Variants in PKD1 observed in about 807,000 individuals in gnomAD.
The protein encoded by PKD1 is polycystin-1.
A neutral mutation model predicts 361.7 loss-of-function variants in PKD1; 81 were observed. That is an observed-to-expected ratio of 0.22 (90% CI 0.19 to 0.27). PKD1 has a LOEUF of 0.27. PKD1 is among the 10% of genes least tolerant of loss of function. The pLI is 1.00. For missense variants in PKD1, 6,399 were observed against 6,118.3 expected (o/e 1.05, Z -1.53); for synonymous variants, 3,615 against 2,818.3 (o/e 1.28, Z -8.95).
Position 2,091,763 on chromosome 16 carries a change from A to C in PKD1, c.11537+18T>G. 6.2e-7 allele frequency: 1 copy of C among 1,609,426 alleles called. No homozygotes were observed. The highest frequency in any genetic ancestry group is 2.2e-5 in the East Asian group (1 of 44,776). ...TGACTGCGGCCACCCCGGAGAGGGCAGGGGAGGGAGCTCCCACCTGTTGTC... is the reference window on the plus strand; with the variant it reads ...TGACTGCGGCCACCCCGGAGAGGGCCGGGGAGGGAGCTCCCACCTGTTGTC... On this transcript the variant is annotated intron_variant, in intron 41 of 45. Transcript: ENST00000262304.
rs201204878 is a variant in PKD1, at chr16:2,091,775, T to TC, written c.11537+5dup. On this transcript the variant is annotated splice_donor_region_variant and intron_variant, in intron 41 of 45. Coordinates refer to ENST00000262304, the MANE Select transcript of PKD1 (RefSeq NM_001009944.3). ...CCCCGGAGAGGGCAGGGGAGGGAGC[T>TC]CCCACCTGTTGTCCAGCCAGTTGTG... 1.2e-6 allele frequency: 2 copies of TC among 1,609,878 alleles called. No individual in the cohort carries two copies. The highest frequency in any genetic ancestry group is 1.7e-6 in the Non-Finnish European group (2 of 1,179,322).
chr16:2,119,184 C>T lies in PKD1; in HGVS notation c.289G>A (p.Asp97Asn). 9.0e-6 allele frequency: 14 copies of T among 1,552,106 alleles called. No homozygotes were observed. The highest frequency in any genetic ancestry group is 1.2e-5 in the Non-Finnish European group (14 of 1,140,488). ...GTAGAAATCTTGTTGTTGCTTATATCCCTGGAAGAGACGGGGGATTCGGCA... is the reference window on the plus strand; with the variant it reads ...GTAGAAATCTTGTTGTTGCTTATATTCCTGGAAGAGACGGGGGATTCGGCA... ...LANLSALAELDISNNKISTLE... is the reference protein window; with the variant it reads ...LANLSALAELNISNNKISTLE... Residue 97 changes from aspartate to asparagine, a missense_variant and splice_region_variant, in exon 3 of 46, where the codon GAT becomes AAT. Transcript: ENST00000262304.
chr16:2,097,688 T>G (rs2091902960), intron 32 of PKD1, 40 bp downstream of exon 32: 4 of 1,610,878 alleles, frequency 2.5e-6, no homozygotes, highest in African/African-American at 1.3e-5. Flanking sequence ...CCAGACACAG[T>G]GACCTGCACC....
rs746834875 is a variant in PKD1 at position 2,102,978 on chromosome 16, A to G, written c.8792-8T>C. On this transcript the variant is annotated splice_polypyrimidine_tract_variant and splice_region_variant and intron_variant, in intron 23 of 45. Coordinates refer to ENST00000262304, the MANE Select transcript of PKD1 (RefSeq NM_001009944.3). ...CCTCAGACAGGTAGTGGCCTGGGGC[A>G]GAACGCGCAGGTCACACGCCTGCCG... 8.7e-6 allele frequency: 14 copies of G among 1,601,986 alleles called. No individual in the cohort carries two copies. The highest frequency in any genetic ancestry group is 1.1e-5 in the Non-Finnish European group (13 of 1,179,592).
At position 2,091,555 on chromosome 16, in the gene PKD1, G is replaced by C; in HGVS notation, c.11580C>G (p.Ala3860=). The change falls in exon 42 of 46, where the codon GCC becomes GCG. Residue 3860 remains alanine (A), a synonymous_variant. Coordinates refer to ENST00000262304, the MANE Select transcript of PKD1 (RefSeq NM_001009944.3). ...GCGTGACGGCGGCGTGCAGCCCCACGGCCGGGCTGTAGCGCGTGAGCTCCA... is the reference window on the plus strand; with the variant it reads ...GCGTGACGGCGGCGTGCAGCCCCACCGCCGGGCTGTAGCGCGTGAGCTCCA... ...VFLELTRYSP[A]VGLHAAVTLR... is the part of the protein sequence containing the mutation. 1 of 1,532,174 alleles carries C rather than the reference G, an allele frequency of 6.5e-7. No individual in the cohort carries two copies. The highest frequency in any genetic ancestry group is 8.7e-7 in the Non-Finnish European group (1 of 1,151,808). 94.9% of individuals were successfully genotyped at this position (1,532,174 alleles called of 1,614,324 possible).
chr16:2,112,833 A>C lies in PKD1; in HGVS notation c.3116T>G (p.Leu1039Arg). The change falls in exon 13 of 46, where the codon CTG (leucine) becomes CGG (arginine). Residue 1039 changes from leucine to arginine, a missense_variant. Transcript: ENST00000262304. ...AVLSPNATLALTAGVLVDSAV... is the reference protein window; with the variant it reads ...AVLSPNATLARTAGVLVDSAV... The stretch of plus-strand genomic sequence containing the variant: ...CGAGTCCACCAGCACGCCCGCCGTC[A>C]GTGCTAGCGTGGCATTGGGGGACAG... 1 of 1,603,054 alleles carries C rather than the reference A, an allele frequency of 6.2e-7. No individual in the cohort carries two copies. The highest frequency in any genetic ancestry group is 8.5e-7 in the Non-Finnish European group (1 of 1,179,608).
chr16:2,123,398 C>T (rs2092752426), intron 1 of PKD1: 2 of 453,786 alleles, frequency 4.4e-6, no homozygotes, highest in Admixed American at 4.7e-5. Context: ...AGCATCTGCC[C>T]TGGGCAGGAC....
In PKD1 at chr16:2,092,513, G is replaced by A; in HGVS notation, c.11236C>T (p.Pro3746Ser). Residue 3746 changes from proline (P) to serine (S), a missense_variant, in exon 39 of 46, where the codon CCC becomes TCC. Pro to Ser is a moderately conservative substitution (Grantham distance 74). Coordinates refer to ENST00000262304, the MANE Select transcript of PKD1 (RefSeq NM_001009944.3). ...HGNQSSPELG[P>S]PRLRQVRLQE... ...AGCCGCACCTGCCGCAGCCGTGGGG[G>A]CCCCAGCTCTGGGCTGGACTGGTTC... 3 of 1,611,798 alleles carry A rather than the reference G, an allele frequency of 1.9e-6. No individual in the cohort carries two copies. The highest frequency in any genetic ancestry group is 2.5e-6 in the Non-Finnish European group (3 of 1,179,098).
At chr16:2,092,248 T>G in intron 39 of PKD1, 60 bp from the exon 40 acceptor site, 1 of 1,519,390 alleles carries the variant, frequency 6.6e-7, no homozygotes, top group Non-Finnish European at 8.9e-7. Flanking sequence ...ACAGGAGTGT[T>G]TCCTGCTGGC....
chr16:2,128,614 C>T lies in PKD1; in HGVS notation c.215+6861G>A, dbSNP rs188929500. Among the ~76,000 whole-genome samples the T allele has an allele frequency of 1.3e-3, 196 of 152,308 alleles. 1 individual carries two copies. Among genetic ancestry groups the T allele is most frequent in the African/African-American group, 4.6e-3 (192 of 41,570 alleles). On this transcript the variant is annotated intron_variant, in intron 1 of 45. Transcript: ENST00000262304. ...GAGACCAGGAGTGGCTGCAACCCTG[C>T]GGTGCCGTGATGAGGTATGGAGAGA...
At chr16:2,122,156 C>G (rs896292691) in intron 1 of PKD1, among the ~76,000 whole-genome samples, 2 of 152,270 alleles carry the variant, frequency 1.3e-5, no homozygotes, top group Non-Finnish European at 1.5e-5. Flanking sequence ...CTTCTCCGTG[C>G]CAGGAAGCAG....
Position 2,109,256 on chromosome 16 carries a change from C to G in PKD1, c.5911G>C (p.Val1971Leu), listed in dbSNP as rs140434415. 6.3e-7 allele frequency: 1 copy of G among 1,585,252 alleles called. No individual in the cohort carries two copies. Among genetic ancestry groups the G allele is most frequent in the Non-Finnish European group, 8.6e-7 (1 of 1,165,776 alleles). The change falls in exon 15 of 46, where the codon GTG becomes CTG. Residue 1971 changes from valine (V) to leucine (L), a missense_variant. Val to Leu is a conservative substitution (Grantham distance 32). Transcript: ENST00000262304. ...AQVRIVVLEA[V>L]SGLQVPNCCE... The stretch of plus-strand genomic sequence containing the variant: ...CAGTTGGGCACCTGCAGCCCACTCA[C>G]GGCCTCCAGCACCACGATGCGCACC...
rs369076601 is a variant in PKD1 at position 2,114,216 on chromosome 16, C to T, written c.2807G>A (p.Arg936His). The T allele has an allele frequency of 1.2e-4, 196 of 1,609,630 alleles. No individual in the cohort carries two copies. The highest frequency in any genetic ancestry group is 1.5e-4 in the South Asian group (14 of 90,972). The change falls in exon 11 of 46, where the codon CGC (arginine) becomes CAC (histidine). Residue 936 changes from arginine to histidine, a missense_variant. Arg to His is a conservative substitution (Grantham distance 29). Coordinates refer to ENST00000262304, the MANE Select transcript of PKD1 (RefSeq NM_001009944.3). ...VTAEEPICGL[R>H]ATPSPEARVL... ...ACGGGCCTCGGGGCTGGGCGTGGCG[C>T]GGAGGCCACAGATGGGCTCCTCCGC...
Position 2,111,871 on chromosome 16 carries a change from C to A in PKD1, c.3296G>T (p.Gly1099Val). Residue 1099 changes from glycine (G) to valine (V), a missense_variant and splice_region_variant, in exon 15 of 46, where the codon GGT (glycine) becomes GTT (valine). Gly to Val is a moderately radical substitution (Grantham distance 109, BLOSUM62 -3). Transcript: ENST00000262304. Reference protein sequence around the residue: ...HNVMHTYAAPGEYLLTVLASN... With the variant: ...HNVMHTYAAPVEYLLTVLASN... Reference sequence around the variant, plus strand: ...TGCCAGCACGGTCAGGAGGTACTCACCTGTGGGGACAGGCCCGAGTGGGGC... The same window carrying A: ...TGCCAGCACGGTCAGGAGGTACTCAACTGTGGGGACAGGCCCGAGTGGGGC... The A allele has an allele frequency of 6.2e-7, 1 of 1,610,192 alleles. No homozygotes were observed. The highest frequency in any genetic ancestry group is 8.5e-7 in the Non-Finnish European group (1 of 1,179,514).
At chr16:2,093,514 G>A in intron 37 of PKD1, 30 bp downstream of exon 37, 1 of 1,572,844 alleles carries the variant, frequency 6.4e-7, no homozygotes. Flanking sequence ...AGACGGAGGT[G>A]GCAGGGGCAC....
chr16:2,128,660 C>T (rs1031433659), intron 1 of PKD1, among the ~76,000 whole-genome samples: 2 of 152,174 alleles, frequency 1.3e-5, no homozygotes, highest in African/African-American at 4.8e-5. Flanking sequence ...GAGGGCTCAG[C>T]GCGGAGCCCG....
rs974983920 is a variant in PKD1 at position 2,102,466 on chromosome 16, C to T, written c.9116G>A (p.Arg3039His). ...GLLPLEETSP[R>H]QAVCLTRHLT... ...GTGGCGGGTGAGGCAGACGGCCTGG[C>T]GGGGCGAGGTCTCCTCCAGGGGCAG... Residue 3039 changes from arginine (R) to histidine (H), a missense_variant, in exon 25 of 46, where the codon CGC (arginine) becomes CAC (histidine). Physicochemically the swap from Arg to His is conservative, Grantham distance 29. Coordinates refer to ENST00000262304, the MANE Select transcript of PKD1 (RefSeq NM_001009944.3). 1.9e-5 allele frequency: 29 copies of T among 1,555,098 alleles called. No homozygotes were observed. The highest frequency in any genetic ancestry group is 2.3e-4 in the Middle Eastern group (1 of 4,392).
chr16:2,096,341 C>G (rs1355269962), intron 34 of PKD1, among the ~76,000 whole-genome samples: 1 of 152,248 alleles, frequency 6.6e-6, no homozygotes, highest in Non-Finnish European at 1.5e-5. Context: ...CCGTGTGGAC[C>G]TCAGCACACC....
At position 2,116,927 on chromosome 16, in the gene PKD1, T is replaced by C. The variant is rs2092647689; in HGVS notation, c.1512A>G (p.Thr504=). ...GCCCGAGCCGGACGCAGTGCTCGGC[T>C]GTGGCTGGGTGTGGCTCCCCGGGCA... ...NWLPGEPHPA[T]AEHCVRLGPT... The change falls in exon 7 of 46, where the codon ACA becomes ACG. Residue 504 remains threonine, a synonymous_variant. Coordinates refer to ENST00000262304, the MANE Select transcript of PKD1 (RefSeq NM_001009944.3). 6.6e-7 allele frequency: 1 copy of C among 1,505,608 alleles called. No homozygotes were observed. Among genetic ancestry groups the C allele is most frequent in the Non-Finnish European group, 9.0e-7 (1 of 1,117,118 alleles). The allele number at this position is 1,505,608 out of a possible 1,614,324, so 93.3% of individuals were successfully genotyped here.
Sources: gnomAD v4.1 joint callset for allele counts (sites outside exome capture counted in the v4.1 genomes callset) on GRCh38, gnomAD v4.1.1 for gene constraint, MANE v1.5 for transcripts, NCBI Gene and HGNC (gene_info 2026-07-23, HGNC 2026-07-21) for gene names.